DIAPH2: variants seen among roughly 807,000 people sequenced by gnomAD.
DIAPH2 encodes the protein diaphanous related formin 2.
In DIAPH2, 35 loss-of-function variants were observed where a neutral mutation model predicts 92.7. The observed-to-expected ratio is 0.38, with a 90% CI of 0.29 to 0.50. DIAPH2 has a LOEUF of 0.50. Among genes scored for constraint, DIAPH2 ranks in the 20% least tolerant of loss-of-function variants. The pLI is 0.94. For missense variants in DIAPH2, 701 were observed against 819.5 expected, an observed-to-expected ratio of 0.86 and a Z score of 1.77; for synonymous variants, 301 against 280.4, an observed-to-expected ratio of 1.07 and a Z score of -0.73.
intron 4 of DIAPH2, among the ~76,000 whole-genome samples, chrX:96,811,122 T>G (rs938147518): frequency 8.9e-6 from 1 of 112,138 alleles, no homozygotes; most frequent in Non-Finnish European, 1.9e-5. Flanking sequence ...ATGGCCATTT[T>G]CATGATATTG....
At chrX:96,783,992 A>C (rs2042303413) in intron 4 of DIAPH2, among the ~76,000 whole-genome samples, 1 of 111,928 alleles carries the variant, frequency 8.9e-6, no homozygotes, top group Admixed American at 9.5e-5. Context: ...GACATATTTT[A>C]ACCTAAAATC....
intron 4 of DIAPH2, among the ~76,000 whole-genome samples, chrX:96,758,539 C>T (rs1309122099): frequency 2.7e-5 from 3 of 111,626 alleles, no homozygotes; most frequent in African/African-American, 9.7e-5. Flanking sequence ...TACTAAAAAT[C>T]GACTGCATTT....
intron 25 of DIAPH2, among the ~76,000 whole-genome samples, chrX:97,418,393 T>G (rs1419842733): frequency 8.9e-6 from 1 of 112,189 alleles, no homozygotes; most frequent in Non-Finnish European, 1.9e-5. Flanking sequence ...TTATACTCCG[T>G]GGGCTGCCAT....
intron 4 of DIAPH2, among the ~76,000 whole-genome samples, chrX:96,779,774 T>G (rs960962087): frequency 4.4e-5 from 5 of 112,394 alleles, no homozygotes; most frequent in Non-Finnish European, 9.4e-5. Flanking sequence ...TATAGAAATG[T>G]ATGTTGCCAT....
chrX:96,846,184 GT>G lies in DIAPH2; in HGVS notation c.448-35393del, dbSNP rs754845489. ...TATATTGAGAGGGAGTTTCGCTCTT[GT>G]TGCCCAGGCTGGAGTGCAATGGTGC... On this transcript the variant is annotated intron_variant, in intron 4 of 26. Transcript: ENST00000324765. Among the ~76,000 whole-genome samples the G allele has an allele frequency of 4.0e-4, 41 of 103,342 alleles. 1 individual carries two copies. Among genetic ancestry groups the G allele is most frequent in the Admixed American group, 2.3e-3 (22 of 9,371 alleles). 89.7% of individuals were successfully genotyped at this position (103,342 alleles called of 115,157 possible). A position where few individuals can be genotyped will look rare whatever the true frequency, so the allele number is the denominator to read the frequency against.
intron 26 of DIAPH2, among the ~76,000 whole-genome samples, chrX:97,575,957 GT>G (rs1412778470): frequency 1.8e-5 from 2 of 111,996 alleles, no homozygotes; most frequent in Admixed American, 9.5e-5. Flanking sequence ...AAAGCACTGT[GT>G]TTTTGCAGTG....
intron 25 of DIAPH2, among the ~76,000 whole-genome samples, chrX:97,407,185 G>A (rs1031049229): frequency 5.4e-5 from 6 of 111,531 alleles, no homozygotes; most frequent in Non-Finnish European, 9.4e-5. Context: ...GATCCATGCC[G>A]AAAGTATAAT....
intron 26 of DIAPH2, among the ~76,000 whole-genome samples, chrX:97,565,203 CACTTATTA>C (rs968548215): frequency 1.8e-5 from 2 of 111,334 alleles, no homozygotes; most frequent in Non-Finnish European, 3.8e-5. Context: ...AGATGTCCAC[CACTTATTA>C]ACTACATGAT....
chrX:96,844,568 A>C (rs974749486), intron 4 of DIAPH2, among the ~76,000 whole-genome samples: 1 of 112,519 alleles, frequency 8.9e-6, no homozygotes, highest in Non-Finnish European at 1.9e-5. Context: ...ATTCCATTTA[A>C]AAAATGGAAA....
chrX:97,502,930 G>A (rs1430909300), intron 26 of DIAPH2, among the ~76,000 whole-genome samples: 3 of 111,890 alleles, frequency 2.7e-5, no homozygotes, highest in Non-Finnish European at 5.6e-5. Context: ...TCCCTTATGA[G>A]TCAGTCCAGC....
chrX:97,118,297 T>C (rs1420229393), intron 21 of DIAPH2, among the ~76,000 whole-genome samples: 1 of 111,517 alleles, frequency 9.0e-6, no homozygotes, highest in Non-Finnish European at 1.9e-5. Flanking sequence ...CCATTTTCCT[T>C]CTCCTTTCCC....
intron 16 of DIAPH2, among the ~76,000 whole-genome samples, chrX:96,963,181 T>G (rs1358787027): frequency 8.9e-6 from 1 of 111,769 alleles, no homozygotes; most frequent in East Asian, 2.8e-4. Context: ...TCTCTTGGCC[T>G]GTAGCCTCTC....
At chrX:96,939,476 A>ATGTGTG (rs374194181) in intron 12 of DIAPH2, 94 bp downstream of exon 12, 2,397 of 172,525 alleles carry the variant, frequency 0.014, 145 homozygotes, top group African/African-American at 0.1. Flanking sequence ...ATATATGCAT[A>ATGTGTG]TGTGTGTGTA....
chrX:96,783,470 C>G (rs1398145692), intron 4 of DIAPH2, among the ~76,000 whole-genome samples: 1 of 112,200 alleles, frequency 8.9e-6, no homozygotes, highest in Non-Finnish European at 1.9e-5. Flanking sequence ...CAGATGCAAA[C>G]TAGAGATGGT....
At chrX:97,559,472 G>A (rs1250792259) in intron 26 of DIAPH2, among the ~76,000 whole-genome samples, 1 of 103,297 alleles carries the variant, frequency 9.7e-6, no homozygotes, top group Non-Finnish European at 2.0e-5. Flanking sequence ...CCTGGCGACT[G>A]AGTGAGACTC....
chrX:97,288,256 C>G (rs974040618), intron 23 of DIAPH2, among the ~76,000 whole-genome samples: 17 of 111,260 alleles, frequency 1.5e-4, no homozygotes, highest in Non-Finnish European at 3.0e-4. Flanking sequence ...TGCAGTCACC[C>G]TAGTATAACA....
chrX:96,846,684 A>G (rs928426105), intron 4 of DIAPH2, among the ~76,000 whole-genome samples: 2 of 111,769 alleles, frequency 1.8e-5, no homozygotes, highest in African/African-American at 6.5e-5. Context: ...GAATGAATCA[A>G]TAATGCAAAT....
At chrX:96,832,449 T>C (rs1244188804) in intron 4 of DIAPH2, among the ~76,000 whole-genome samples, 7 of 110,746 alleles carry the variant, frequency 6.3e-5, no homozygotes, top group Non-Finnish European at 1.3e-4. Flanking sequence ...GGTTATTTTC[T>C]GGGTAGAGAA....
chrX:96,717,806 T>G (rs2063959442), intron 1 of DIAPH2, among the ~76,000 whole-genome samples: 1 of 74,596 alleles, frequency 1.3e-5, no homozygotes, highest in African/African-American at 4.9e-5. Context: ...TTAATTTTTG[T>G]GGGTATATAG....
Sources: allele counts gnomAD v4.1 joint callset (sites outside exome capture counted in the v4.1 genomes callset), GRCh38; gene constraint gnomAD v4.1.1; transcripts MANE v1.5; gene names NCBI Gene and HGNC (gene_info 2026-07-23, HGNC 2026-07-21).